The following ORC2 variants were observed in gnomAD, a reference collection of about 807,000 sequenced individuals.
ORC2 encodes origin recognition complex subunit 2.
Under a neutral mutation model 77.7 loss-of-function variants are expected in ORC2, and 37 were observed. That is an observed-to-expected ratio of 0.48 (90% CI 0.37 to 0.63). The LOEUF (loss-of-function observed/expected upper bound fraction) is 0.63, where lower values mean the gene tolerates loss of function less well. ORC2 is among the 20% of genes least tolerant of loss of function. The probability of loss-of-function intolerance (pLI) is 0.00; values close to 1 mark genes in which losing one functional copy is unlikely to be tolerated. For missense variants in ORC2, 557 were observed against 661.9 expected (o/e 0.84, Z 1.74); for synonymous variants, 201 against 229.5 (o/e 0.88, Z 1.12).
chr2:200,909,696 C>CT lies in ORC2; in HGVS notation c.*1604dup, dbSNP rs1372724610. On this transcript the variant is annotated 3_prime_UTR_variant, in exon 18 of 18. Transcript: ENST00000234296. Reference sequence around the variant, plus strand: ...AGACTGGATGACAGTGCAATTCCATCTAAAAAAAAAAAAAAAAAAAAAAAG... The same window carrying CT: ...AGACTGGATGACAGTGCAATTCCATCTTAAAAAAAAAAAAAAAAAAAAAAAG... The CT allele has an allele frequency of 9.8e-5, 9 of 91,644 alleles. No individual in the cohort carries two copies. The highest frequency in any genetic ancestry group is 7.1e-4 in the South Asian group (2 of 2,824). The allele number at this position is 91,644 out of a possible 1,614,324, so 5.7% of individuals were successfully genotyped here.
At chr2:200,937,460 G>A (rs185215443) in intron 8 of ORC2, among the ~76,000 whole-genome samples, 36 of 152,052 alleles carry the variant, frequency 2.4e-4, no homozygotes, top group African/African-American at 7.7e-4. Flanking sequence ...TTATTGTCAA[G>A]GGTCAACATT....
chr2:200,917,987 A>AT (rs955648295), intron 15 of ORC2, among the ~76,000 whole-genome samples: 14 of 151,046 alleles, frequency 9.3e-5, no homozygotes, highest in Admixed American at 4.0e-4. Context: ...TTGGTACCTA[A>AT]TTTTTTTTTA....
At chr2:200,928,824 A>C (rs1310110058) in intron 11 of ORC2, among the ~76,000 whole-genome samples, 3 of 151,644 alleles carry the variant, frequency 2.0e-5, no homozygotes, top group Non-Finnish European at 2.9e-5. Context: ...AAAAAAAAAA[A>C]CAACAAAAAA....
intron 5 of ORC2, among the ~76,000 whole-genome samples, chr2:200,947,978 G>T (rs1220668283): frequency 1.3e-5 from 2 of 151,532 alleles, no homozygotes; most frequent in Admixed American, 1.3e-4. Flanking sequence ...GCGCGATCTC[G>T]GCTCACTGCA....
At chr2:200,948,314 G>T (rs2041289797) in intron 5 of ORC2, among the ~76,000 whole-genome samples, 1 of 152,042 alleles carries the variant, frequency 6.6e-6, no homozygotes, top group African/African-American at 2.4e-5. Context: ...CACCCAAAGT[G>T]CTGAGATTAC....
chr2:200,950,747 GATTT>G (rs1362232496), intron 4 of ORC2, among the ~76,000 whole-genome samples: 13 of 152,122 alleles, frequency 8.5e-5, no homozygotes, highest in Non-Finnish European at 1.3e-4. Context: ...ATACTTAATG[GATTT>G]ATTAGAAAAT....
At chr2:200,913,747 C>T (rs2040590521) in intron 16 of ORC2, 184 bp downstream of exon 16, 4 of 1,380,564 alleles carry the variant, frequency 2.9e-6, no homozygotes, top group Non-Finnish European at 3.7e-6. Flanking sequence ...TGTTGGCAAA[C>T]ACCTTGCTCA....
intron 8 of ORC2, among the ~76,000 whole-genome samples, chr2:200,937,055 C>T (rs767788937): frequency 2.6e-5 from 4 of 151,890 alleles, no homozygotes; most frequent in Non-Finnish European, 4.4e-5. Flanking sequence ...TTCAGGTGTG[C>T]ATTGACTGCT....
chr2:200,960,059 C>T (rs887775184), intron 1 of ORC2, among the ~76,000 whole-genome samples: 4 of 152,050 alleles, frequency 2.6e-5, no homozygotes, highest in Admixed American at 2.0e-4. Flanking sequence ...CTCACCACAG[C>T]TCCAACCTCC....
chr2:200,953,273 CATT>C (rs2041398706), intron 4 of ORC2, among the ~76,000 whole-genome samples: 1 of 149,822 alleles, frequency 6.7e-6, no homozygotes, highest in African/African-American at 2.4e-5. Context: ...GAAAACCACA[CATT>C]ATTTATATAT....
At chr2:200,941,377 TCA>T in intron 6 of ORC2, 98 bp from the exon 7 acceptor site, 1 of 1,093,732 alleles carries the variant, frequency 9.1e-7, no homozygotes, top group Non-Finnish European at 1.4e-6. Flanking sequence ...GCATGGTGGC[TCA>T]CATCTGTAAT....
intron 15 of ORC2, among the ~76,000 whole-genome samples, chr2:200,916,525 A>C (rs1298104636): frequency 6.6e-6 from 1 of 152,086 alleles, no homozygotes; most frequent in Non-Finnish European, 1.5e-5. Context: ...GCCATATTTA[A>C]CGTTTTGAGT....
intron 8 of ORC2, among the ~76,000 whole-genome samples, chr2:200,937,504 G>A (rs1444388140): frequency 6.6e-6 from 1 of 152,080 alleles, no homozygotes; most frequent in Non-Finnish European, 1.5e-5. Flanking sequence ...GATATATAAA[G>A]GTCCAGTCAT....
intron 15 of ORC2, among the ~76,000 whole-genome samples, chr2:200,916,846 G>A (rs139299713): frequency 0.022 from 3,349 of 151,962 alleles, 63 homozygotes; most frequent in Middle Eastern, 0.037. Flanking sequence ...GGGACCTCAG[G>A]TGCCCGCCAC....
chr2:200,911,777 C>A (rs946887403), intron 17 of ORC2, among the ~76,000 whole-genome samples: 12 of 152,134 alleles, frequency 7.9e-5, no homozygotes, highest in African/African-American at 2.9e-4. Context: ...TTTTCAGTAA[C>A]CCTCACTACA....
At chr2:200,928,992 GCT>G (rs997110447) in intron 11 of ORC2, among the ~76,000 whole-genome samples, 3 of 152,032 alleles carry the variant, frequency 2.0e-5, no homozygotes, top group African/African-American at 7.2e-5. Context: ...ATGGAGTCCT[GCT>G]CTGTCACCCA....
At position 200,910,232 on chromosome 2, in the gene ORC2, A is replaced by G. The variant is rs970900257; in HGVS notation, c.*1069T>C. ...GGAAGAACTTCATTTCCAAGTGTCA[A>G]ATATTTCAGGGGGTATGTGATGACT... On this transcript the variant is annotated 3_prime_UTR_variant, in exon 18 of 18. Transcript: ENST00000234296. 5.3e-5 allele frequency: 8 copies of G among 152,328 alleles called. No homozygotes were observed. Among genetic ancestry groups the G allele is most frequent in the Admixed American group, 3.9e-4 (6 of 15,310 alleles). 9.4% of individuals were successfully genotyped at this position (152,328 alleles called of 1,614,324 possible).
intron 5 of ORC2, among the ~76,000 whole-genome samples, chr2:200,948,201 CT>C (rs2041287019): frequency 6.6e-6 from 1 of 152,110 alleles, no homozygotes; most frequent in Non-Finnish European, 1.5e-5. Flanking sequence ...GCGTGAGCCA[CT>C]GCACCCAGCC....
rs369812151 is a variant in ORC2, at chr2:200,920,403, G to A, written c.1295-10C>T. On this transcript the variant is annotated splice_polypyrimidine_tract_variant and intron_variant, in intron 14 of 17. Coordinates refer to ENST00000234296, the MANE Select transcript of ORC2 (RefSeq NM_006190.5). ...TTTGCATGATCCCACACTAGCACAT[G>A]ATCAAAGAAAACAAGAATTACAAAT... 46 of 1,493,266 alleles carry A rather than the reference G, an allele frequency of 3.1e-5. No homozygotes were observed. Among genetic ancestry groups the A allele is most frequent in the Non-Finnish European group, 3.9e-5 (44 of 1,114,958 alleles). 92.5% of individuals were successfully genotyped at this position (1,493,266 alleles called of 1,614,324 possible).
Sources: allele counts gnomAD v4.1 joint callset (sites outside exome capture counted in the v4.1 genomes callset), GRCh38; gene constraint gnomAD v4.1.1; transcripts MANE v1.5; gene names NCBI Gene and HGNC (gene_info 2026-07-23, HGNC 2026-07-21).